Variants in PLAUR observed in about 807,000 individuals in gnomAD.
PLAUR encodes plasminogen activator, urokinase receptor, also known as urokinase plasminogen activator surface receptor.
PLAUR carries 22 observed loss-of-function variants against 33.4 expected under a neutral mutation model. The ratio of observed to expected loss-of-function variants is 0.66; its 90% CI spans 0.47 to 0.94. The LOEUF is 0.94. Ranked by LOEUF, PLAUR falls within the 40% of genes least tolerant of loss-of-function variation. The probability of loss-of-function intolerance (pLI) is 0.00; values close to 1 mark genes in which losing one functional copy is unlikely to be tolerated. For missense variants in PLAUR, 408 were observed against 434.7 expected (o/e 0.94, Z 0.55); for synonymous variants, 148 against 167.3 (o/e 0.88, Z 0.89).
At chr19:43,657,072 T>C (rs1219860874) in intron 3 of PLAUR, among the ~76,000 whole-genome samples, 1 of 151,382 alleles carries the variant, frequency 6.6e-6, no homozygotes, top group African/African-American at 2.4e-5. Context: ...GCCTCCCGAA[T>C]AGCTGGGACT....
At chr19:43,663,319 AC>A (rs1342616015) in intron 3 of PLAUR, among the ~76,000 whole-genome samples, 1 of 146,986 alleles carries the variant, frequency 6.8e-6, no homozygotes, top group African/African-American at 2.6e-5. Flanking sequence ...ACACACACAC[AC>A]ACACACACAC....
chr19:43,666,482 C>T (rs535636654), intron 2 of PLAUR, among the ~76,000 whole-genome samples: 1 of 151,496 alleles, frequency 6.6e-6, no homozygotes, highest in African/African-American at 2.4e-5. Flanking sequence ...CCCTTCCTTC[C>T]TCCCTCCTCC....
chr19:43,668,166 A>T, intron 1 of PLAUR: 4 of 987,158 alleles, frequency 4.1e-6, no homozygotes, highest in Non-Finnish European at 4.8e-6. Context: ...CTATCCCTCC[A>T]CTCACTCCCC....
At chr19:43,656,433 G>A (rs775264353) in intron 4 of PLAUR, 46 bp downstream of exon 4, 2 of 1,517,068 alleles carry the variant, frequency 1.3e-6, no homozygotes, top group Non-Finnish European at 1.8e-6. Flanking sequence ...CAGTCTTAGG[G>A]AGGAGCAGAG....
At chr19:43,646,352 A>G, downstream of PLAUR, 1 of 650,648 alleles carries the variant, frequency 1.5e-6, no homozygotes, top group Non-Finnish European at 2.8e-6. Context: ...TCTTCTCTAT[A>G]TCACATCTGC....
At chr19:43,654,940 G>A (rs577805393) in intron 5 of PLAUR, among the ~76,000 whole-genome samples, 2 of 152,206 alleles carry the variant, frequency 1.3e-5, no homozygotes, top group Non-Finnish European at 2.9e-5. Flanking sequence ...AGGTCTTGGC[G>A]AGGGCTGATA....
chr19:43,670,035 C>G, intron 1 of PLAUR, 31 bp downstream of exon 1: 1 of 1,610,758 alleles, frequency 6.2e-7, no homozygotes. Context: ...GACCCTGTTC[C>G]AGGCGCAGGC....
downstream of PLAUR, among the ~76,000 whole-genome samples, chr19:43,648,244 C>T (rs747794889): frequency 3.4e-4 from 52 of 151,910 alleles, no homozygotes; most frequent in Non-Finnish European, 6.6e-4. Flanking sequence ...GGTGCAATCT[C>T]GGCTCACTGC....
chr19:43,658,082 T>G (rs980375779), intron 3 of PLAUR, among the ~76,000 whole-genome samples: 1 of 151,590 alleles, frequency 6.6e-6, no homozygotes, highest in African/African-American at 2.4e-5. Flanking sequence ...GGATGCCCTA[T>G]GTAGTCAACT....
In PLAUR at chr19:43,670,059, C is replaced by A; in HGVS notation, c.55+7G>T. ...CCAGGCGCAGGCGTTCGGGACCCAG[C>A]CCCTACCTGGGACGCAGGTGTGGAG... On this transcript the variant is annotated splice_region_variant and intron_variant, in intron 1 of 6. Transcript: ENST00000340093. 6.2e-7 allele frequency: 1 copy of A among 1,613,184 alleles called. No homozygotes were observed. The highest frequency in any genetic ancestry group is 8.5e-7 in the Non-Finnish European group (1 of 1,179,590).
At chr19:43,664,380 T>C (rs1967137264) in intron 3 of PLAUR, among the ~76,000 whole-genome samples, 1 of 152,220 alleles carries the variant, frequency 6.6e-6, no homozygotes, top group Non-Finnish European at 1.5e-5. Flanking sequence ...GATGGATCCA[T>C]GCACCATGGA....
At position 43,651,139 on chromosome 19, in the gene PLAUR, C is replaced by G. The variant is rs756929345; in HGVS notation, c.754+1086G>C. The stretch of plus-strand genomic sequence containing the variant: ...TGTTGCCCAGGCTGGAGTGCAATGG[C>G]ACAATCTTGGCTCACCGCAACCTCT... On this transcript the variant is annotated intron_variant, in intron 6 of 6. Coordinates refer to ENST00000340093, the MANE Select transcript of PLAUR (RefSeq NM_002659.4). Among the ~76,000 whole-genome samples the G allele has an allele frequency of 4.8e-4, 72 of 151,194 alleles. 1 individual carries two copies. The highest frequency in any genetic ancestry group is 2.0e-4 in the Admixed American group (3 of 15,154).
intron 6 of PLAUR, among the ~76,000 whole-genome samples, chr19:43,649,833 C>T (rs1973921004): frequency 6.6e-6 from 1 of 152,088 alleles, no homozygotes; most frequent in Admixed American, 6.6e-5. Context: ...TCTGTGATTT[C>T]ACATGGCTTT....
intron 1 of PLAUR, among the ~76,000 whole-genome samples, chr19:43,668,977 C>T (rs1361458423): frequency 2.6e-5 from 4 of 152,298 alleles, no homozygotes; most frequent in East Asian, 1.9e-4. Context: ...AGTCCCTAGG[C>T]CCGGTCCCCG....
At chr19:43,649,697 G>A (rs1035665722) in intron 6 of PLAUR, among the ~76,000 whole-genome samples, 2 of 148,472 alleles carry the variant, frequency 1.3e-5, no homozygotes, top group Non-Finnish European at 3.0e-5. Context: ...AGGAAGGAAG[G>A]AAGAAAGAAA....
In PLAUR at chr19:43,670,161, T is replaced by C. The variant is rs766889369; in HGVS notation, c.-41A>G. 2.5e-6 allele frequency: 4 copies of C among 1,596,738 alleles called. No individual in the cohort carries two copies. The Admixed American group carries it at 5.1e-5, about 20-fold the overall frequency. Reference sequence around the variant, plus strand: ...CCTGTGCGCGGGGTCCCTGCACGTCTTCTCTCCTTCTGGCCTCAGGAAGGA... The same window carrying C: ...CCTGTGCGCGGGGTCCCTGCACGTCCTCTCTCCTTCTGGCCTCAGGAAGGA... On this transcript the variant is annotated 5_prime_UTR_variant, in exon 1 of 7. Transcript: ENST00000340093.
chr19:43,654,051 G>A (rs1974106419), intron 5 of PLAUR, among the ~76,000 whole-genome samples: 1 of 152,018 alleles, frequency 6.6e-6, no homozygotes, highest in Non-Finnish European at 1.5e-5. Context: ...GTGAACCCGG[G>A]AGGCGGAGCT....
chr19:43,649,057 T>A lies in PLAUR; in HGVS notation c.841A>T (p.Asn281Tyr), dbSNP rs765410255. The A allele has an allele frequency of 1.9e-6, 3 of 1,614,172 alleles. No homozygotes were observed. The highest frequency in any genetic ancestry group is 1.1e-5 in the South Asian group (1 of 91,082). Residue 281 changes from asparagine (N) to tyrosine (Y), a missense_variant, in exon 7 of 7, where the codon AAC becomes TAC. Physicochemically the swap from Asn to Tyr is moderately radical, Grantham distance 143 (BLOSUM62 -2). Transcript: ENST00000340093. The stretch of plus-strand genomic sequence containing the variant: ...GTACAGCAGGAGACATCAATGTGGT[T>A]CATGCTGAAGGCGTCACCCAGGTGG... ...HAHLGDAFSM[N>Y]HIDVSCCTKS...
At chr19:43,661,032 T>C (rs966092628) in intron 3 of PLAUR, 13 of 152,192 alleles carry the variant, frequency 8.5e-5, no homozygotes, top group African/African-American at 3.1e-4. Flanking sequence ...CTGGAAGCCT[T>C]GTTCGCTTTT....
Sources: allele counts gnomAD v4.1 joint callset (sites outside exome capture counted in the v4.1 genomes callset), GRCh38; gene constraint gnomAD v4.1.1; transcripts MANE v1.5; gene names NCBI Gene and HGNC (gene_info 2026-07-23, HGNC 2026-07-21).